The following FAT3 variants were observed in gnomAD, a reference collection of about 807,000 sequenced individuals.
FAT3 encodes the protein FAT atypical cadherin 3, also known as protocadherin Fat 3.
FAT3 carries 95 observed loss-of-function variants against 310.2 expected under a neutral mutation model. That is an observed-to-expected ratio of 0.31 (90% confidence interval 0.26 to 0.36). The LOEUF (loss-of-function observed/expected upper bound fraction) is 0.36. Ranked by LOEUF, FAT3 falls within the 10% of genes least tolerant of loss-of-function variation. The pLI is 1.00. For missense variants in FAT3, 5,408 were observed against 5,715.6 expected, an observed-to-expected ratio of 0.95 and a Z score of 1.74; for synonymous variants, 2,314 against 2,192.9, an observed-to-expected ratio of 1.06 and a Z score of -1.54.
intron 4 of FAT3, among the ~76,000 whole-genome samples, chr11:92,754,499 G>A (rs1407348265): frequency 1.3e-5 from 2 of 151,254 alleles, no homozygotes; most frequent in Non-Finnish European, 2.9e-5. Context: ...ATGGTGGCGG[G>A]TGCCTGTAGT....
At chr11:92,559,369 G>C (rs905828375) in intron 3 of FAT3, 2 of 177,766 alleles carry the variant, frequency 1.1e-5, no homozygotes, top group Non-Finnish European at 2.3e-5. Flanking sequence ...CTGGGTGATT[G>C]TTTACTTATT....
chr11:92,568,445 A>T (rs999809106), intron 3 of FAT3, among the ~76,000 whole-genome samples: 1 of 152,168 alleles, frequency 6.6e-6, no homozygotes, highest in Non-Finnish European at 1.5e-5. Flanking sequence ...TAGTGAGGAA[A>T]AATCATTTAT....
intron 1 of FAT3, among the ~76,000 whole-genome samples, chr11:92,333,129 A>C (rs1484406881): frequency 6.6e-6 from 1 of 152,186 alleles, no homozygotes; most frequent in Admixed American, 6.5e-5. Flanking sequence ...CAGCAAGCTG[A>C]AAATCAGCAG....
At chr11:92,774,271 G>T in intron 7 of FAT3, 91 bp downstream of exon 7, 1 of 1,335,056 alleles carries the variant, frequency 7.5e-7, no homozygotes, top group East Asian at 2.5e-5. Context: ...AATGGAAGTA[G>T]TAAATTATGT....
At chr11:92,851,838 G>A (rs186177936) in intron 19 of FAT3, among the ~76,000 whole-genome samples, 182 of 152,310 alleles carry the variant, frequency 1.2e-3, no homozygotes, top group Non-Finnish European at 2.2e-3. Context: ...TCTCCCAGAA[G>A]CCAGCAGGAG....
chr11:92,345,162 A>T (rs144542320), intron 1 of FAT3, among the ~76,000 whole-genome samples: 279 of 152,182 alleles, frequency 1.8e-3, no homozygotes, highest in African/African-American at 6.3e-3. Flanking sequence ...ATTTGGACTG[A>T]TGTTCATTTC....
chr11:92,422,939 A>G (rs1950560794), intron 2 of FAT3, among the ~76,000 whole-genome samples: 1 of 152,080 alleles, frequency 6.6e-6, no homozygotes, highest in African/African-American at 2.4e-5. Flanking sequence ...ACTGAATAGG[A>G]TATTAGTGTT....
intron 3 of FAT3, among the ~76,000 whole-genome samples, chr11:92,677,621 G>A (rs186484397): frequency 1.1e-4 from 17 of 152,286 alleles, no homozygotes; most frequent in African/African-American, 3.1e-4. Flanking sequence ...AGGTCAAGAG[G>A]TTTGCATCTG....
intron 3 of FAT3, among the ~76,000 whole-genome samples, chr11:92,636,560 C>T (rs486336): frequency 0.48 from 73,423 of 151,988 alleles, 17,960 homozygotes; most frequent in African/African-American, 0.49. Context: ...CTTAAAAAAA[C>T]ATTTTTAGGC....
intron 1 of FAT3, chr11:92,336,297 T>C (rs1948077352): frequency 2.1e-6 from 1 of 481,726 alleles, no homozygotes; most frequent in Non-Finnish European, 4.1e-6. Flanking sequence ...GTTCTTCTCA[T>C]AGAAGTTTTT....
chr11:92,857,346 C>T lies in FAT3; in HGVS notation c.11498C>T (p.Ser3833Leu). ...CCACCAGGGAAGCTCGGAGAGTGCT[C>T]AGGTGCAGAGTGGAGTGGAATGATG... is the stretch of plus-strand genomic sequence containing the variant. ...QCPPGKLGECSGHTSLSFAGN... is the reference protein window; with the variant it reads ...QCPPGKLGECLGHTSLSFAGN... Residue 3833 changes from serine to leucine, a missense_variant and splice_region_variant, in exon 20 of 28, where the codon TCA (serine) becomes TTA (leucine). Coordinates refer to ENST00000525166, the MANE Select transcript of FAT3 (RefSeq NM_001367949.2). 1.2e-6 allele frequency: 2 copies of T among 1,613,948 alleles called. No homozygotes were observed. The highest frequency in any genetic ancestry group is 1.7e-6 in the Non-Finnish European group (2 of 1,179,872).
chr11:92,542,267 A>T (rs1474251734), intron 3 of FAT3, among the ~76,000 whole-genome samples: 1 of 152,078 alleles, frequency 6.6e-6, no homozygotes, highest in Non-Finnish European at 1.5e-5. Context: ...TGTTCATGGC[A>T]TTGGTTTGGG....
chr11:92,444,759 G>T (rs556267506), intron 2 of FAT3, among the ~76,000 whole-genome samples: 1 of 151,666 alleles, frequency 6.6e-6, no homozygotes, highest in Non-Finnish European at 1.5e-5. Flanking sequence ...ACATCTGATT[G>T]TGGCAGCTGT....
intron 2 of FAT3, among the ~76,000 whole-genome samples, chr11:92,418,200 A>G (rs1591261362): frequency 1.3e-5 from 2 of 152,274 alleles, no homozygotes; most frequent in East Asian, 3.9e-4. Flanking sequence ...AGAATAATTC[A>G]TGTGTCTGGA....
intron 6 of FAT3, among the ~76,000 whole-genome samples, chr11:92,767,069 C>T (rs938327462): frequency 2.6e-5 from 4 of 151,836 alleles, no homozygotes; most frequent in Non-Finnish European, 5.9e-5. Context: ...TCCAACATGG[C>T]GAAACCCCAT....
chr11:92,684,137 C>T lies in FAT3; in HGVS notation c.3608-13247C>T, dbSNP rs139490522. On this transcript the variant is annotated intron_variant, in intron 3 of 27. Coordinates refer to ENST00000525166, the MANE Select transcript of FAT3 (RefSeq NM_001367949.2). ...AGAAGATACTGAATTTTTCAGAGTG[C>T]GAACAAAGAAGATGAAAATGTCTTT... Among the ~76,000 whole-genome samples, 382 of 152,194 alleles carry T rather than the reference C, an allele frequency of 2.5e-3. 2 individuals carry two copies. Among genetic ancestry groups the T allele is most frequent in the Non-Finnish European group, 2.9e-3 (198 of 68,006 alleles).
intron 13 of FAT3, among the ~76,000 whole-genome samples, chr11:92,815,049 G>A (rs1415134359): frequency 1.3e-5 from 2 of 152,188 alleles, no homozygotes; most frequent in Non-Finnish European, 2.9e-5. Context: ...AAAGTAGACC[G>A]GGCCTGATTG....
At chr11:92,776,728 G>A (rs1410354628) in intron 7 of FAT3, among the ~76,000 whole-genome samples, 1 of 152,166 alleles carries the variant, frequency 6.6e-6, no homozygotes, top group South Asian at 2.1e-4. Flanking sequence ...AGTTAATGAA[G>A]GGTGCCAAGA....
chr11:92,815,065 G>A (rs1025998946), intron 13 of FAT3, among the ~76,000 whole-genome samples: 12 of 152,094 alleles, frequency 7.9e-5, no homozygotes, highest in African/African-American at 2.7e-4. Flanking sequence ...GATTGTGGTT[G>A]TTTGTGAAGG....
Sources: gnomAD v4.1 joint callset for allele counts (sites outside exome capture counted in the v4.1 genomes callset) on GRCh38, gnomAD v4.1.1 for gene constraint, MANE v1.5 for transcripts, NCBI Gene and HGNC (gene_info 2026-07-23, HGNC 2026-07-21) for gene names.